SSBP3: variants seen among roughly 807,000 people sequenced by gnomAD.
SSBP3 encodes the protein single stranded DNA binding protein 3.
A neutral mutation model predicts 69.6 loss-of-function variants in SSBP3; 5 were observed. That is an observed-to-expected ratio of 0.07 (90% CI 0.04 to 0.15). SSBP3 has a LOEUF of 0.15. Among genes scored for constraint, SSBP3 ranks in the 10% least tolerant of loss-of-function variants. SSBP3 has a pLI of 1.00. For synonymous variants in SSBP3, 196 were observed against 193.4 expected, an observed-to-expected ratio of 1.01 and a Z score of -0.11; for missense variants, 312 against 534.0, an observed-to-expected ratio of 0.58 and a Z score of 4.10.
intron 14 of SSBP3, among the ~76,000 whole-genome samples, chr1:54,232,956 C>G (rs866504001): frequency 1.3e-5 from 2 of 152,188 alleles, no homozygotes; most frequent in Non-Finnish European, 2.9e-5. Flanking sequence ...AGCCGCCTGC[C>G]TTGGCCTCCC....
chr1:54,367,482 G>C (rs1647047696), intron 4 of SSBP3, among the ~76,000 whole-genome samples: 1 of 152,194 alleles, frequency 6.6e-6, no homozygotes, highest in African/African-American at 2.4e-5. Flanking sequence ...ATCTGAATCT[G>C]TCAATTAATA....
chr1:54,288,622 G>A (rs1352149862), intron 4 of SSBP3, among the ~76,000 whole-genome samples: 2 of 151,824 alleles, frequency 1.3e-5, no homozygotes, highest in East Asian at 1.9e-4. Context: ...CCCCAACATC[G>A]CTGGGAAGAT....
chr1:54,330,088 A>C (rs1490956511), intron 4 of SSBP3, among the ~76,000 whole-genome samples: 1 of 152,128 alleles, frequency 6.6e-6, no homozygotes, highest in Non-Finnish European at 1.5e-5. Flanking sequence ...ACATACACAC[A>C]AGAGCCTTGA....
intron 3 of SSBP3, among the ~76,000 whole-genome samples, chr1:54,402,423 A>C (rs1649375533): frequency 6.6e-6 from 1 of 152,216 alleles, no homozygotes; most frequent in African/African-American, 2.4e-5. Context: ...GTCAGAACAC[A>C]ACTATGATTC....
At chr1:54,398,424 A>G (rs149856896) in intron 4 of SSBP3, among the ~76,000 whole-genome samples, 2,421 of 152,336 alleles carry the variant, frequency 0.016, 39 homozygotes, top group Middle Eastern at 0.065. Flanking sequence ...TAGCTACCAC[A>G]TGGAGAAAAA....
At chr1:54,226,754 A>C (rs548654307) in exon 18 of SSBP3, 16 of 194,404 alleles carry the variant, frequency 8.2e-5, no homozygotes, top group South Asian at 1.6e-4. Flanking sequence ...ATTTTCCCCC[A>C]AAAAACCCCC....
intron 4 of SSBP3, among the ~76,000 whole-genome samples, chr1:54,396,310 T>C (rs1254424748): frequency 1.3e-5 from 2 of 151,998 alleles, no homozygotes; most frequent in Admixed American, 6.6e-5. Flanking sequence ...AAGAAGTTTA[T>C]GTGAATAGTC....
At chr1:54,329,129 A>C (rs947260077) in intron 4 of SSBP3, among the ~76,000 whole-genome samples, 6 of 152,206 alleles carry the variant, frequency 3.9e-5, no homozygotes, top group Non-Finnish European at 7.3e-5. Context: ...TCTGGAAGGA[A>C]GGGGGTTTGA....
chr1:54,264,919 G>A (rs898808279), intron 5 of SSBP3, among the ~76,000 whole-genome samples: 2 of 152,232 alleles, frequency 1.3e-5, no homozygotes, highest in African/African-American at 4.8e-5. Context: ...GCAGTGGGAC[G>A]CAGAGGACCT....
At chr1:54,234,290 G>A (rs1187768370) in intron 14 of SSBP3, among the ~76,000 whole-genome samples, 1 of 147,190 alleles carries the variant, frequency 6.8e-6, no homozygotes, top group Non-Finnish European at 1.5e-5. Context: ...CTCCACTATT[G>A]TCCCATGACC....
At chr1:54,352,481 T>G (rs1646795926) in intron 4 of SSBP3, among the ~76,000 whole-genome samples, 1 of 152,146 alleles carries the variant, frequency 6.6e-6, no homozygotes, top group Non-Finnish European at 1.5e-5. Flanking sequence ...GTCATCCCAC[T>G]TCCTATGAGG....
chr1:54,376,316 T>C (rs1339949580), intron 4 of SSBP3, among the ~76,000 whole-genome samples: 1 of 152,102 alleles, frequency 6.6e-6, no homozygotes, highest in Non-Finnish European at 1.5e-5. Flanking sequence ...GTCCACACAA[T>C]TCCACTTTTA....
chr1:54,227,058 T>C, exon 18 of SSBP3: 1 of 1,287,686 alleles, frequency 7.8e-7, no homozygotes, highest in South Asian at 1.2e-5. Context: ...TAATGACACC[T>C]CACTTCTTGC....
chr1:54,281,404 G>A, intron 5 of SSBP3, 34 bp downstream of exon 5: 1 of 1,521,228 alleles, frequency 6.6e-7, no homozygotes, highest in Non-Finnish European at 8.9e-7. Flanking sequence ...TGGAATACAA[G>A]GTGGAGCACA....
intron 4 of SSBP3, among the ~76,000 whole-genome samples, chr1:54,340,747 G>T (rs1050522964): frequency 6.6e-6 from 1 of 152,186 alleles, no homozygotes; most frequent in Admixed American, 6.5e-5. Flanking sequence ...CGTAAAACAA[G>T]GTTGGGGAGA....
At chr1:54,283,194 G>T (rs6684330) in intron 4 of SSBP3, among the ~76,000 whole-genome samples, 23,360 of 151,230 alleles carry the variant, frequency 0.15, 2,069 homozygotes, top group South Asian at 0.29. Flanking sequence ...CTTGAACTCA[G>T]GAGGCAGAGG....
At chr1:54,320,766 G>A (rs1043742851) in intron 4 of SSBP3, among the ~76,000 whole-genome samples, 1 of 152,212 alleles carries the variant, frequency 6.6e-6, no homozygotes, top group Non-Finnish European at 1.5e-5. Flanking sequence ...GAAAGAGAAG[G>A]AGAGCAGATA....
rs557255231 is a variant in SSBP3, at chr1:54,256,734, T to C, written c.507+393A>G. 2.0e-5 allele frequency among the ~76,000 whole-genome samples: 3 copies of C among 152,146 alleles called. No individual in the cohort carries two copies. The South Asian group carries it at 6.2e-4, about 32-fold the overall frequency. On this transcript the variant is annotated intron_variant, in intron 7 of 17. Coordinates refer to ENST00000610401, the Ensembl canonical transcript of SSBP3. ...CCAGCCTTGGCAATTCTCAAAAGCT[T>C]CCAGGAAAAAATGCACATTGTCAAT...
chr1:54,233,593 G>A (rs1342969085), intron 14 of SSBP3, among the ~76,000 whole-genome samples: 3 of 145,272 alleles, frequency 2.1e-5, no homozygotes, highest in Non-Finnish European at 3.0e-5. Context: ...AGGTGGGGGG[G>A]TCAGCCCCCT....
Sources: gnomAD v4.1 joint callset for allele counts (sites outside exome capture counted in the v4.1 genomes callset) on GRCh38, gnomAD v4.1.1 for gene constraint, MANE v1.5 for transcripts, NCBI Gene and HGNC (gene_info 2026-07-23, HGNC 2026-07-21) for gene names.